SPATA17: variants seen among roughly 807,000 people sequenced by gnomAD.
SPATA17 encodes the protein spermatogenesis-associated protein 17.
A neutral mutation model predicts 62.2 loss-of-function variants in SPATA17; 53 were observed. The observed-to-expected ratio is 0.85, with a 90% CI of 0.68 to 1.07. The LOEUF is 1.07. SPATA17 is among the 50% of genes least tolerant of loss of function. The pLI is 0.00. For synonymous variants in SPATA17, 146 were observed against 146.8 expected, an observed-to-expected ratio of 0.99 and a Z score of 0.04; for missense variants, 466 against 425.5, an observed-to-expected ratio of 1.10 and a Z score of -0.84.
rs546907991 is a variant in SPATA17, at chr1:217,631,860, A to G, written c.68+414A>G. 3.7e-4 allele frequency among the ~76,000 whole-genome samples: 57 copies of G among 152,250 alleles called. No homozygotes were observed. In the South Asian group the frequency reaches 0.011, roughly 30 times the overall value. ...TATTTTACAAACATCACTAAACTCA[A>G]TTGTTCTATGACTCATTCGCCTTTT... On this transcript the variant is annotated intron_variant, in intron 1 of 10. Transcript: ENST00000366933.
chr1:217,750,528 G>A (rs1672880834), intron 6 of SPATA17, among the ~76,000 whole-genome samples: 1 of 152,130 alleles, frequency 6.6e-6, no homozygotes, highest in African/African-American at 2.4e-5. Context: ...TATTAACATA[G>A]CATTCTCCAA....
At chr1:217,825,684 A>AT (rs1484389641) in intron 9 of SPATA17, among the ~76,000 whole-genome samples, 5 of 152,022 alleles carry the variant, frequency 3.3e-5, no homozygotes, top group Non-Finnish European at 7.4e-5. Context: ...ACATCTTTAA[A>AT]TTTGTTTCAT....
chr1:217,807,322 A>T (rs1262533177), intron 9 of SPATA17, among the ~76,000 whole-genome samples: 1 of 152,094 alleles, frequency 6.6e-6, no homozygotes, highest in Non-Finnish European at 1.5e-5. Context: ...TAGGTTCACT[A>T]TTTGGGTGAT....
At chr1:217,826,099 ATT>A (rs1230197996) in intron 9 of SPATA17, among the ~76,000 whole-genome samples, 2 of 152,042 alleles carry the variant, frequency 1.3e-5, no homozygotes, top group Non-Finnish European at 2.9e-5. Flanking sequence ...CAAGACATCT[ATT>A]TTACCACAAT....
intron 10 of SPATA17, among the ~76,000 whole-genome samples, chr1:217,863,072 CAAAA>C (rs1675930141): frequency 1.3e-5 from 2 of 150,004 alleles, no homozygotes; most frequent in Non-Finnish European, 3.0e-5. Flanking sequence ...CAAAATGAGC[CAAAA>C]ATACATTAAG....
intron 6 of SPATA17, among the ~76,000 whole-genome samples, chr1:217,758,821 A>G (rs1045227728): frequency 6.6e-6 from 1 of 152,214 alleles, no homozygotes; most frequent in Admixed American, 6.5e-5. Flanking sequence ...GAATAAGAAT[A>G]TGAGATAACT....
intron 6 of SPATA17, among the ~76,000 whole-genome samples, chr1:217,746,417 T>C (rs1176805427): frequency 1.3e-5 from 2 of 151,080 alleles, no homozygotes; most frequent in Admixed American, 1.3e-4. Context: ...ATAGTAATTT[T>C]TACATTAATT....
At chr1:217,754,107 C>G (rs900231627) in intron 6 of SPATA17, among the ~76,000 whole-genome samples, 2 of 152,146 alleles carry the variant, frequency 1.3e-5, no homozygotes, top group Non-Finnish European at 2.9e-5. Flanking sequence ...TGGTGCATGC[C>G]TGTAGTCCCA....
At chr1:217,863,789 C>A (rs553906068) in intron 10 of SPATA17, among the ~76,000 whole-genome samples, 1 of 152,184 alleles carries the variant, frequency 6.6e-6, no homozygotes, top group Non-Finnish European at 1.5e-5. Flanking sequence ...ACATTTTCAG[C>A]CAAATTTAAA....
Position 217,782,532 on chromosome 1 carries a change from AC to A in SPATA17, c.872+211del, listed in dbSNP as rs575784669. Among the ~76,000 whole-genome samples the A allele has an allele frequency of 5.2e-4, 79 of 152,266 alleles. 1 individual carries two copies. The South Asian group carries it at 0.016, about 31-fold the overall frequency. Reference sequence around the variant, plus strand: ...AAAAACTCTTTTGACAACTCAAAAGACAAAAAAAAGATCGGCATTTTGAGGA... The same window carrying A: ...AAAAACTCTTTTGACAACTCAAAAGAAAAAAAAAGATCGGCATTTTGAGGA... On this transcript the variant is annotated intron_variant, in intron 8 of 10. Transcript: ENST00000366933.
chr1:217,631,389 T>A lies in SPATA17; in HGVS notation c.11T>A (p.Leu4Ter). 1 of 1,614,138 alleles carries A rather than the reference T, an allele frequency of 6.2e-7. No homozygotes were observed. The highest frequency in any genetic ancestry group is 8.5e-7 in the Non-Finnish European group (1 of 1,180,000). ...CAAGGCCAAGAGACCATGGCCACGTTAGCCCGGCTGCAAGCTAGGTCGTCG... is the reference window on the plus strand; with the variant it reads ...CAAGGCCAAGAGACCATGGCCACGTAAGCCCGGCTGCAAGCTAGGTCGTCG... MAT[L>*]ARLQARSSTV... Residue 4 changes from leucine to a stop codon, truncating the protein, a stop_gained, in exon 1 of 11, where the codon TTA (leucine) becomes TAA (stop). Transcript: ENST00000366933. LOFTEE classifies it high-confidence loss of function.
intron 9 of SPATA17, among the ~76,000 whole-genome samples, chr1:217,812,572 G>A (rs1285543097): frequency 1.3e-5 from 2 of 151,946 alleles, no homozygotes; most frequent in African/African-American, 2.4e-5. Context: ...TTAAATGGTC[G>A]AACCTTTTAA....
intron 6 of SPATA17, among the ~76,000 whole-genome samples, chr1:217,760,293 A>G (rs1332394298): frequency 6.6e-6 from 1 of 152,214 alleles, no homozygotes; most frequent in East Asian, 1.9e-4. Flanking sequence ...TCAAGATCAG[A>G]ACAAAATAGG....
chr1:217,648,367 C>T (rs927724370), intron 1 of SPATA17, among the ~76,000 whole-genome samples: 1 of 152,114 alleles, frequency 6.6e-6, no homozygotes, highest in Non-Finnish European at 1.5e-5. Flanking sequence ...TATGGCCCTC[C>T]CCTTGCCTCC....
intron 9 of SPATA17, among the ~76,000 whole-genome samples, chr1:217,856,344 T>G (rs993458804): frequency 1.3e-5 from 2 of 152,216 alleles, no homozygotes; most frequent in African/African-American, 2.4e-5. Flanking sequence ...TTTTATCTGT[T>G]TTCAAATTAG....
At chr1:217,680,111 T>C (rs1671043981) in intron 4 of SPATA17, among the ~76,000 whole-genome samples, 1 of 152,238 alleles carries the variant, frequency 6.6e-6, no homozygotes, top group African/African-American at 2.4e-5. Context: ...GAATAACTTC[T>C]ATTGCTGATG....
intron 9 of SPATA17, among the ~76,000 whole-genome samples, chr1:217,819,736 T>C (rs1674814459): frequency 6.6e-6 from 1 of 152,060 alleles, no homozygotes; most frequent in African/African-American, 2.4e-5. Context: ...CTATTCTTTA[T>C]TTCCTAGTAA....
chr1:217,736,832 T>G (rs1325119575), intron 5 of SPATA17, among the ~76,000 whole-genome samples: 1 of 152,210 alleles, frequency 6.6e-6, no homozygotes, highest in East Asian at 1.9e-4. Context: ...AAACATATTT[T>G]AAGGAAAATA....
chr1:217,837,373 GT>G (rs2103004927), intron 9 of SPATA17, among the ~76,000 whole-genome samples: 1 of 152,216 alleles, frequency 6.6e-6, no homozygotes, highest in South Asian at 2.1e-4. Flanking sequence ...AGAATGGACA[GT>G]AATACTGGGG....
Sources: allele counts gnomAD v4.1 joint callset (sites outside exome capture counted in the v4.1 genomes callset), GRCh38; gene constraint gnomAD v4.1.1; transcripts MANE v1.5; gene names NCBI Gene and HGNC (gene_info 2026-07-23, HGNC 2026-07-21).